Variants in DPH5 observed in about 807,000 individuals in gnomAD.
DPH5 encodes the protein diphthamide biosynthesis 5.
Under a neutral mutation model 31.6 loss-of-function variants are expected in DPH5, and 31 were observed. The observed-to-expected ratio is 0.98, with a 90% confidence interval of 0.74 to 1.32. The LOEUF (loss-of-function observed/expected upper bound fraction) is 1.32, where lower values mean the gene tolerates loss of function less well. Among genes scored for constraint, DPH5 ranks in the 40% most tolerant of loss-of-function variants. The pLI is 0.00. For synonymous variants in DPH5, 120 were observed against 115.0 expected, an observed-to-expected ratio of 1.04 and a Z score of -0.28; for missense variants, 309 against 335.7, an observed-to-expected ratio of 0.92 and a Z score of 0.62.
intron 4 of DPH5, among the ~76,000 whole-genome samples, chr1:101,007,718 C>A (rs555598389): frequency 2.7e-5 from 4 of 145,498 alleles, no homozygotes; most frequent in Non-Finnish European, 6.0e-5. Context: ...CCGTCCCCCC[C>A]GAAAAAAACA....
intron 2 of DPH5, chr1:101,023,391 T>A (rs1334550461): frequency 1.3e-5 from 2 of 152,172 alleles, no homozygotes; most frequent in East Asian, 3.9e-4. Context: ...TTTAAAACAG[T>A]GCACAGTAAC....
In DPH5 at chr1:101,013,373, G is replaced by T. The variant is rs114589994; in HGVS notation, c.369+337C>A. 3.4e-4 allele frequency among the ~76,000 whole-genome samples: 52 copies of T among 152,216 alleles called. 1 individual carries two copies. Among genetic ancestry groups the T allele is most frequent in the South Asian group, 6.2e-4 (3 of 4,824 alleles). ...ATGCAGCATCACAATGCTCTTGACA[G>T]CACACAAAACAATACTATATGAAAA... On this transcript the variant is annotated intron_variant, in intron 4 of 7. Transcript: ENST00000370109.
rs531558539 is a variant in DPH5, at chr1:101,008,410, C to T, written c.369+5300G>A. Among the ~76,000 whole-genome samples the T allele has an allele frequency of 2.4e-4, 36 of 152,318 alleles. 1 individual carries two copies. The highest frequency in any genetic ancestry group is 8.7e-4 in the African/African-American group (36 of 41,590). ...TCTCCCTCCCAATCCTCACCACATA[C>T]CCTTACAGTAAAGTAATCTGAGATC... On this transcript the variant is annotated intron_variant, in intron 4 of 7. Transcript: ENST00000370109.
chr1:100,995,255 C>A, intron 5 of DPH5, 106 bp from the exon 6 acceptor site: 1 of 640,482 alleles, frequency 1.6e-6, no homozygotes, highest in Non-Finnish European at 2.7e-6. Flanking sequence ...AAACACTCTT[C>A]CCTCACATTT....
At chr1:100,992,100 A>ATC (rs1657801456) in intron 7 of DPH5, among the ~76,000 whole-genome samples, 1 of 150,610 alleles carries the variant, frequency 6.6e-6, no homozygotes. Context: ...CCTCTCTCAA[A>ATC]AAAAAAAAAA....
intron 7 of DPH5, 95 bp downstream of exon 7, chr1:100,992,542 C>T: frequency 1.2e-6 from 1 of 824,684 alleles, no homozygotes. Flanking sequence ...AATACTGACT[C>T]TTGCTTCCAT....
intron 4 of DPH5, among the ~76,000 whole-genome samples, chr1:101,012,254 T>G (rs1659751854): frequency 6.6e-6 from 1 of 152,216 alleles, no homozygotes; most frequent in African/African-American, 2.4e-5. Flanking sequence ...CCAGTCTGCC[T>G]TATTTTGTTG....
At chr1:101,013,680 T>C (rs770526802) in intron 4 of DPH5, 30 bp downstream of exon 4, 1 of 1,377,296 alleles carries the variant, frequency 7.3e-7, no homozygotes, top group Non-Finnish European at 1.0e-6. Context: ...TTTATTTAAT[T>C]CCACTGAAAA....
chr1:101,001,632 T>C, intron 4 of DPH5, 45 bp from the exon 5 acceptor site: 1 of 1,377,378 alleles, frequency 7.3e-7, no homozygotes, highest in Non-Finnish European at 1.0e-6. Context: ...TTAACTACTA[T>C]TTCATAGATA....
chr1:100,993,713 TAGTAGCC>T (rs1236736399), intron 6 of DPH5, among the ~76,000 whole-genome samples: 1 of 150,662 alleles, frequency 6.6e-6, no homozygotes, highest in Non-Finnish European at 1.5e-5. Context: ...TCAAGTTTTC[TAGTAGCC>T]ATATTAACAA....
chr1:101,011,864 C>CT (rs1175454825), intron 4 of DPH5, among the ~76,000 whole-genome samples: 1 of 142,836 alleles, frequency 7.0e-6, no homozygotes, highest in Non-Finnish European at 1.5e-5. Flanking sequence ...AATTTCTCTC[C>CT]TTTTTTTCTT....
At chr1:100,993,866 G>A (rs565545861) in intron 6 of DPH5, among the ~76,000 whole-genome samples, 104 of 151,300 alleles carry the variant, frequency 6.9e-4, no homozygotes, top group Admixed American at 9.2e-4. Context: ...TCAGCCTCCC[G>A]AGTAGCTGGG....
chr1:101,018,432 T>C (rs1334868716), intron 3 of DPH5, among the ~76,000 whole-genome samples: 1 of 152,018 alleles, frequency 6.6e-6, no homozygotes, highest in Admixed American at 6.6e-5. Context: ...AGAGATGGGG[T>C]TTCGCCACAT....
rs117908649 is a variant in DPH5, at chr1:101,001,864, A to G, written c.370-277T>C. On this transcript the variant is annotated intron_variant, in intron 4 of 7. Transcript: ENST00000370109. ...TGTGTAACAATTTCATAATTTAGCT[A>G]TATAGTTGCTAAAAATACTGAAATG... 3.6e-4 allele frequency among the ~76,000 whole-genome samples: 55 copies of G among 152,200 alleles called. 2 individuals carry two copies. In the East Asian group the frequency reaches 0.01, roughly 28 times the overall value.
chr1:101,014,244 T>A (rs1292767144), intron 3 of DPH5, among the ~76,000 whole-genome samples: 2 of 152,242 alleles, frequency 1.3e-5, no homozygotes, highest in Non-Finnish European at 2.9e-5. Flanking sequence ...ACTGCTCTAT[T>A]TTGAAGACTT....
Position 101,008,535 on chromosome 1 carries a change from T to C in DPH5, c.369+5175A>G, listed in dbSNP as rs77664028. 2.5e-3 allele frequency among the ~76,000 whole-genome samples: 379 copies of C among 152,300 alleles called. 1 individual carries two copies. The highest frequency in any genetic ancestry group is 0.017 in the Middle Eastern group (5 of 294). On this transcript the variant is annotated intron_variant, in intron 4 of 7. Transcript: ENST00000370109. ...AATCTTTTCCATTATATTTTTCCTCTACCAATTCTACCCAATATGTAGTCT... is the reference window on the plus strand; with the variant it reads ...AATCTTTTCCATTATATTTTTCCTCCACCAATTCTACCCAATATGTAGTCT...
chr1:101,018,302 G>A (rs531966400), intron 3 of DPH5, among the ~76,000 whole-genome samples: 2 of 150,038 alleles, frequency 1.3e-5, no homozygotes, highest in East Asian at 2.0e-4. Flanking sequence ...GCAGTGGCAC[G>A]ATCTTGGCTC....
At chr1:100,994,381 A>C (rs1291399570) in intron 6 of DPH5, among the ~76,000 whole-genome samples, 1 of 152,168 alleles carries the variant, frequency 6.6e-6, no homozygotes, top group Non-Finnish European at 1.5e-5. Context: ...AATGCTCCTT[A>C]GTCACAAGTG....
At chr1:100,990,760 T>C in intron 7 of DPH5, 129 bp from the exon 8 acceptor site, 1 of 809,794 alleles carries the variant, frequency 1.2e-6, no homozygotes, top group South Asian at 1.8e-5. Flanking sequence ...TTGCCACTTA[T>C]GGACCAGTTA....
Sources: gnomAD v4.1 joint callset for allele counts (sites outside exome capture counted in the v4.1 genomes callset) on GRCh38, gnomAD v4.1.1 for gene constraint, MANE v1.5 for transcripts, NCBI Gene and HGNC (gene_info 2026-07-23, HGNC 2026-07-21) for gene names.